UTP18: variants seen among roughly 807,000 people sequenced by gnomAD.
UTP18 encodes the protein UTP18 small subunit processome component.
In UTP18, 36 loss-of-function variants were observed where a neutral mutation model predicts 61.1. That is an observed-to-expected ratio of 0.59 (90% CI 0.45 to 0.78). The LOEUF is 0.78. Ranked by LOEUF, UTP18 falls within the 30% of genes least tolerant of loss-of-function variation. The probability of loss-of-function intolerance (pLI) is 0.00; values close to 1 mark genes in which losing one functional copy is unlikely to be tolerated. For synonymous variants in UTP18, 282 were observed against 251.1 expected, an observed-to-expected ratio of 1.12 and a Z score of -1.16; for missense variants, 753 against 693.9, an observed-to-expected ratio of 1.09 and a Z score of -0.96.
intron 9 of UTP18, among the ~76,000 whole-genome samples, chr17:51,283,401 C>T (rs1294026179): frequency 2.6e-5 from 4 of 152,116 alleles, no homozygotes; most frequent in Non-Finnish European, 5.9e-5. Flanking sequence ...CTACTGACCT[C>T]AGGTGATCTG....
intron 3 of UTP18, among the ~76,000 whole-genome samples, chr17:51,268,014 G>T (rs4794217): frequency 0.49 from 61,705 of 125,034 alleles, 15,782 homozygotes; most frequent in Middle Eastern, 0.59. Flanking sequence ...TTTGTTTTTT[G>T]TTTTTTTTTT....
chr17:51,272,388 C>T (rs147717469), intron 4 of UTP18, among the ~76,000 whole-genome samples: 3 of 152,274 alleles, frequency 2.0e-5, no homozygotes, highest in Non-Finnish European at 2.9e-5. Context: ...TGTGAGCCAC[C>T]GCGCCTGGCC....
chr17:51,277,151 A>G lies in UTP18; in HGVS notation c.859A>G (p.Lys287Glu), dbSNP rs1365343153. 4 of 1,614,018 alleles carry G rather than the reference A, an allele frequency of 2.5e-6. No individual in the cohort carries two copies. Among genetic ancestry groups the G allele is most frequent in the Non-Finnish European group, 3.4e-6 (4 of 1,179,978 alleles). Residue 287 changes from lysine to glutamate, a missense_variant, in exon 7 of 14, where the codon AAA (lysine) becomes GAA (glutamate). Lys to Glu is a moderately conservative substitution (Grantham distance 56, BLOSUM62 1). Transcript: ENST00000225298. ...ATAGGTTGATGGGAAAACAAATCCTAAAATTCAGAGCATCTATTTGGAAAG... is the reference window on the plus strand; with the variant it reads ...ATAGGTTGATGGGAAAACAAATCCTGAAATTCAGAGCATCTATTTGGAAAG... Reference protein sequence around the residue: ...LFQVDGKTNPKIQSIYLERFP... With the variant: ...LFQVDGKTNPEIQSIYLERFP...
chr17:51,262,852 C>T (rs2055521050), intron 1 of UTP18, among the ~76,000 whole-genome samples: 1 of 152,138 alleles, frequency 6.6e-6, no homozygotes, highest in South Asian at 2.1e-4. Context: ...GCGCTCTCTG[C>T]TGGTATAAAG....
In UTP18 at chr17:51,285,945, AT is replaced by A. The variant is rs1905099761; in HGVS notation, c.1328+580del. ...ACCTTATATCATTGTATTTTTTCCT[AT>A]TTAAAATACCTGTTTGATCACATCA... On this transcript the variant is annotated intron_variant, in intron 10 of 13. Transcript: ENST00000225298. 5.9e-5 allele frequency among the ~76,000 whole-genome samples: 9 copies of A among 152,156 alleles called. No individual in the cohort carries two copies. In the South Asian group the frequency reaches 1.9e-3, roughly 31 times the overall value.
rs779505055 is a variant in UTP18, at chr17:51,277,167, A to G, written c.875A>G (p.Tyr292Cys). The stretch of plus-strand genomic sequence containing the variant: ...ACAAATCCTAAAATTCAGAGCATCT[A>G]TTTGGAAAGGTTTCCAATCTTTAAG... ...GKTNPKIQSIYLERFPIFKAC... is the reference protein window; with the variant it reads ...GKTNPKIQSICLERFPIFKAC... The change falls in exon 7 of 14, where the codon TAT (tyrosine) becomes TGT (cysteine). Residue 292 changes from tyrosine (Y) to cysteine (C), a missense_variant. Transcript: ENST00000225298. 1.9e-5 allele frequency: 31 copies of G among 1,614,064 alleles called. No homozygotes were observed. Among genetic ancestry groups the G allele is most frequent in the Admixed American group, 1.7e-4 (10 of 59,990 alleles).
chr17:51,268,068 G>A (rs1260527954), intron 3 of UTP18, among the ~76,000 whole-genome samples: 1 of 148,384 alleles, frequency 6.7e-6, no homozygotes, highest in Admixed American at 6.7e-5. Flanking sequence ...GGAGTGCAGC[G>A]GCGTGATCGC....
rs899574213 is a variant in UTP18 at position 51,297,892 on chromosome 17, CA to C, written c.*126del. The C allele has an allele frequency of 3.1e-6, 1 of 323,324 alleles. No homozygotes were observed. The highest frequency in any genetic ancestry group is 5.8e-6 in the Non-Finnish European group (1 of 171,082). The allele number at this position is 323,324 out of a possible 1,614,324, so 20.0% of individuals were successfully genotyped here. A position where few individuals can be genotyped will look rare whatever the true frequency, so the allele number is the denominator to read the frequency against. Reference sequence around the variant, plus strand: ...TATAGATCCAGCTGTGCTTAAGAGCCAGTAATGTCTTAATAAACATGTGGCA... The same window carrying C: ...TATAGATCCAGCTGTGCTTAAGAGCCGTAATGTCTTAATAAACATGTGGCA... On this transcript the variant is annotated 3_prime_UTR_variant, in exon 14 of 14. Coordinates refer to ENST00000225298, the MANE Select transcript of UTP18 (RefSeq NM_016001.3).
intron 10 of UTP18, among the ~76,000 whole-genome samples, 173 bp from the exon 11 acceptor site, chr17:51,287,856 A>G (rs751418279): frequency 7.3e-4 from 111 of 151,798 alleles, no homozygotes; most frequent in Non-Finnish European, 2.1e-4. Flanking sequence ...TCTGTTTTCA[A>G]CCTGTTTGGT....
intron 10 of UTP18, among the ~76,000 whole-genome samples, chr17:51,286,978 T>TCCCCCCCCCCACCCC (rs11397806): frequency 8.1e-6 from 1 of 123,468 alleles, no homozygotes; most frequent in Non-Finnish European, 1.6e-5. Flanking sequence ...CCCTCCCCCT[T>TCCCCCCCCCCACCCC]CCCCCCCCGA....
At chr17:51,288,614 A>G (rs1213750455) in intron 11 of UTP18, 1 of 456,434 alleles carries the variant, frequency 2.2e-6, no homozygotes, top group Non-Finnish European at 4.4e-6. Flanking sequence ...TGAAAATTAA[A>G]TTGTATAAAA....
intron 7 of UTP18, among the ~76,000 whole-genome samples, chr17:51,279,411 T>C (rs986223754): frequency 2.0e-5 from 3 of 152,230 alleles, no homozygotes; most frequent in Admixed American, 6.5e-5. Context: ...AGCTCTCATA[T>C]ATGATTTGGT....
At chr17:51,293,060 A>T (rs1434606616) in intron 11 of UTP18, among the ~76,000 whole-genome samples, 2 of 152,170 alleles carry the variant, frequency 1.3e-5, no homozygotes, top group Non-Finnish European at 2.9e-5. Context: ...ATAATGTTTA[A>T]TTTTTTTCAC....
intron 10 of UTP18, 46 bp from the exon 11 acceptor site, chr17:51,287,983 C>T: frequency 7.1e-7 from 1 of 1,407,114 alleles, no homozygotes; most frequent in African/African-American, 1.5e-5. Flanking sequence ...TTGTGAAAGC[C>T]CTTTTACTTG....
intron 6 of UTP18, among the ~76,000 whole-genome samples, 165 bp downstream of exon 6, chr17:51,276,156 G>A (rs1461215292): frequency 6.6e-6 from 1 of 152,110 alleles, no homozygotes; most frequent in Non-Finnish European, 1.5e-5. Flanking sequence ...TCATTTACTT[G>A]GAAATACAAA....
intron 4 of UTP18, among the ~76,000 whole-genome samples, chr17:51,269,595 T>C (rs10853118): frequency 0.99 from 150,537 of 152,244 alleles, 74,451 homozygotes; most frequent in Middle Eastern, 1. Context: ...ACCACCTCCT[T>C]TGTCCCCTTT....
intron 5 of UTP18, among the ~76,000 whole-genome samples, chr17:51,273,774 T>TAAATAAAA: frequency 6.6e-6 from 1 of 151,318 alleles, no homozygotes; most frequent in Non-Finnish European, 1.5e-5. Context: ...AATAAATAAA[T>TAAATAAAA]TTTCCAGTAA....
At position 51,260,727 on chromosome 17, in the gene UTP18, G is replaced by C. The variant is rs766434695; in HGVS notation, c.143G>C (p.Arg48Pro). Residue 48 changes from arginine to proline, a missense_variant, in exon 1 of 14, where the codon CGG becomes CCG. Arg to Pro is a moderately radical substitution (Grantham distance 103). Coordinates refer to ENST00000225298, the MANE Select transcript of UTP18 (RefSeq NM_016001.3). ...CAAAAGCCTGCCCCTTCATCCCAGC[G>C]GAAACCGCCGGCCCGGCCGAGCGCG... is the stretch of plus-strand genomic sequence containing the variant. ...PPQKPAPSSQ[R>P]KPPARPSAAA... is the part of the protein sequence containing the mutation. The C allele has an allele frequency of 1.9e-6, 3 of 1,592,726 alleles. No homozygotes were observed. The highest frequency in any genetic ancestry group is 1.7e-6 in the Non-Finnish European group (2 of 1,170,530).
At chr17:51,276,532 C>T (rs1244894782) in intron 6 of UTP18, among the ~76,000 whole-genome samples, 1 of 152,184 alleles carries the variant, frequency 6.6e-6, no homozygotes, top group Non-Finnish European at 1.5e-5. Flanking sequence ...AACCTCATGA[C>T]TTTACTGGGT....
Sources: gnomAD v4.1 joint callset for allele counts (sites outside exome capture counted in the v4.1 genomes callset) on GRCh38, gnomAD v4.1.1 for gene constraint, MANE v1.5 for transcripts, NCBI Gene and HGNC (gene_info 2026-07-23, HGNC 2026-07-21) for gene names.